The following SDK1 variants were observed in gnomAD, a reference collection of about 807,000 sequenced individuals.
SDK1 encodes the protein sidekick cell adhesion molecule 1.
A neutral mutation model predicts 245.5 loss-of-function variants in SDK1; 157 were observed. The ratio of observed to expected loss-of-function variants is 0.64; its 90% CI spans 0.56 to 0.73. SDK1 has a LOEUF of 0.73. SDK1 is among the 30% of genes least tolerant of loss of function. The pLI is 0.00. For missense variants in SDK1, 3,583 were observed against 3,002.3 expected (o/e 1.19, Z -4.52); for synonymous variants, 1,647 against 1,278.5 (o/e 1.29, Z -6.15).
At position 3,778,548 on chromosome 7, in the gene SDK1, C is replaced by T. The variant is rs556366733; in HGVS notation, c.714-42902C>T. On this transcript the variant is annotated intron_variant, in intron 4 of 44. Coordinates refer to ENST00000404826, the MANE Select transcript of SDK1 (RefSeq NM_152744.4). Reference sequence around the variant, plus strand: ...ATTTCTACAGATCTGACCAGGCTGCCTGCACACATCTATATTTTTACACTG... The same window carrying T: ...ATTTCTACAGATCTGACCAGGCTGCTTGCACACATCTATATTTTTACACTG... Among the ~76,000 whole-genome samples, 270 of 152,284 alleles carry T rather than the reference C, an allele frequency of 1.8e-3. 1 individual carries two copies. The highest frequency in any genetic ancestry group is 6.3e-3 in the African/African-American group (263 of 41,550).
At chr7:3,448,686 T>C (rs1048793452) in intron 1 of SDK1, among the ~76,000 whole-genome samples, 14 of 152,286 alleles carry the variant, frequency 9.2e-5, no homozygotes, top group Admixed American at 2.6e-4. Context: ...TAGCCACTTA[T>C]TATGCTAATG....
At chr7:4,004,367 A>G (rs1208743163) in intron 14 of SDK1, among the ~76,000 whole-genome samples, 1 of 152,224 alleles carries the variant, frequency 6.6e-6, no homozygotes, top group East Asian at 1.9e-4. Context: ...TAGAAAAATA[A>G]TAAATTTGCA....
At chr7:4,208,876 C>T (rs900017095) in intron 37 of SDK1, among the ~76,000 whole-genome samples, 4 of 152,240 alleles carry the variant, frequency 2.6e-5, no homozygotes, top group Non-Finnish European at 5.9e-5. Context: ...CCTCTTCCAG[C>T]GCATCTCAGT....
chr7:3,596,159 C>T (rs912857719), intron 1 of SDK1, among the ~76,000 whole-genome samples: 5 of 151,968 alleles, frequency 3.3e-5, no homozygotes, highest in African/African-American at 7.3e-5. Flanking sequence ...CAAAAAGTTC[C>T]GCATTTTGGA....
intron 5 of SDK1, among the ~76,000 whole-genome samples, chr7:3,909,919 C>A (rs1030237000): frequency 9.2e-5 from 14 of 152,260 alleles, no homozygotes; most frequent in African/African-American, 3.4e-4. Context: ...TATTATGCAT[C>A]TACACCCCGG....
intron 20 of SDK1, among the ~76,000 whole-genome samples, chr7:4,074,960 G>T (rs1307048062): frequency 1.4e-5 from 2 of 142,730 alleles, no homozygotes; most frequent in African/African-American, 5.3e-5. Flanking sequence ...ATGGGAGAAG[G>T]CAAAAATGAG....
chr7:3,808,312 T>G (rs1486208082), intron 4 of SDK1, among the ~76,000 whole-genome samples: 1 of 152,128 alleles, frequency 6.6e-6, no homozygotes, highest in African/African-American at 2.4e-5. Context: ...AGGTGGTGGT[T>G]GAGTGAGGAG....
At chr7:3,361,520 C>G (rs922944295) in intron 1 of SDK1, among the ~76,000 whole-genome samples, 3 of 152,286 alleles carry the variant, frequency 2.0e-5, no homozygotes, top group African/African-American at 7.2e-5. Flanking sequence ...CACATCTTCT[C>G]TATTTGTTCT....
intron 5 of SDK1, among the ~76,000 whole-genome samples, chr7:3,844,180 AGACTGGTCTTGAGCTCCTGACCTCAGGT>A (rs1385014825): frequency 6.6e-6 from 1 of 152,194 alleles, no homozygotes; most frequent in Non-Finnish European, 1.5e-5. Context: ...CACGTTGGCC[AGACTGGTCTTGAGCTCCTGACCTCAGGT>A]GATCTGCCCA....
chr7:3,717,655 A>T (rs1785242197), intron 4 of SDK1, among the ~76,000 whole-genome samples: 1 of 152,226 alleles, frequency 6.6e-6, no homozygotes, highest in Non-Finnish European at 1.5e-5. Context: ...TATGCCCATA[A>T]AGTTGAAAAC....
chr7:4,142,864 G>A (rs1381265766), intron 28 of SDK1, among the ~76,000 whole-genome samples: 1 of 152,186 alleles, frequency 6.6e-6, no homozygotes, highest in African/African-American at 2.4e-5. Flanking sequence ...TAGACAAAAG[G>A]CAGCTTAAGC....
chr7:3,803,511 A>G (rs951408027), intron 4 of SDK1, among the ~76,000 whole-genome samples: 3 of 151,604 alleles, frequency 2.0e-5, no homozygotes, highest in Admixed American at 1.3e-4. Flanking sequence ...GGGTTTCACC[A>G]TGTGGACCAG....
Position 3,782,294 on chromosome 7 carries a change from A to G in SDK1, c.714-39156A>G, listed in dbSNP as rs138431275. 4.6e-3 allele frequency among the ~76,000 whole-genome samples: 699 copies of G among 152,268 alleles called. 8 individuals carry two copies. The highest frequency in any genetic ancestry group is 5.5e-3 in the Non-Finnish European group (374 of 68,008). ...AAAAGGTCTCCAACTCCTTCTAACAACCAGATCTTGTGTGAACTCATTACC... is the reference window on the plus strand; with the variant it reads ...AAAAGGTCTCCAACTCCTTCTAACAGCCAGATCTTGTGTGAACTCATTACC... On this transcript the variant is annotated intron_variant, in intron 4 of 44. Coordinates refer to ENST00000404826, the MANE Select transcript of SDK1 (RefSeq NM_152744.4).
chr7:3,804,662 C>A (rs1423996927), intron 4 of SDK1, among the ~76,000 whole-genome samples: 2 of 152,176 alleles, frequency 1.3e-5, no homozygotes, highest in Non-Finnish European at 2.9e-5. Flanking sequence ...AAACCAGTAT[C>A]TTTACTTTGT....
At chr7:3,453,755 A>G (rs1780591304) in intron 1 of SDK1, among the ~76,000 whole-genome samples, 1 of 151,070 alleles carries the variant, frequency 6.6e-6, no homozygotes, top group South Asian at 2.1e-4. Context: ...TTTTTTTTTT[A>G]CTTTTCATAG....
At chr7:4,129,307 G>T (rs1428801980) in intron 26 of SDK1, among the ~76,000 whole-genome samples, 1 of 143,336 alleles carries the variant, frequency 7.0e-6, no homozygotes, top group Non-Finnish European at 1.5e-5. Flanking sequence ...TCGGGGTGGG[G>T]TCCCCTGGAA....
rs573783240 is a variant in SDK1 at position 3,638,836 on chromosome 7, C to T, written c.459-168C>T. ...AATAAATGGTGGTTCTAGTTAGTGT[C>T]ATGGTTAGGGAAGGATTGCACAGAT... On this transcript the variant is annotated intron_variant, in intron 2 of 44. Transcript: ENST00000404826. Among the ~76,000 whole-genome samples the T allele has an allele frequency of 4.0e-5, 6 of 150,790 alleles. No individual in the cohort carries two copies. The South Asian group carries it at 8.5e-4, about 21-fold the overall frequency.
intron 12 of SDK1, among the ~76,000 whole-genome samples, chr7:3,972,853 G>A (rs771624877): frequency 3.9e-5 from 6 of 152,316 alleles, no homozygotes; most frequent in African/African-American, 4.8e-5. Flanking sequence ...GTTTAGGTAC[G>A]TGGGTGCCGA....
At chr7:4,139,231 G>C (rs554356462) in intron 28 of SDK1, among the ~76,000 whole-genome samples, 1 of 152,116 alleles carries the variant, frequency 6.6e-6, no homozygotes, top group East Asian at 1.9e-4. Context: ...TTGCACTCCA[G>C]TCCTGGCCTC....
Sources: allele counts gnomAD v4.1 joint callset (sites outside exome capture counted in the v4.1 genomes callset), GRCh38; gene constraint gnomAD v4.1.1; transcripts MANE v1.5; gene names NCBI Gene and HGNC (gene_info 2026-07-23, HGNC 2026-07-21).